The following ENTPD1 variants were observed in gnomAD, a reference collection of about 807,000 sequenced individuals.
ENTPD1 encodes ectonucleoside triphosphate diphosphohydrolase 1.
A neutral mutation model predicts 57.0 loss-of-function variants in ENTPD1; 33 were observed. The ratio of observed to expected loss-of-function variants is 0.58; its 90% confidence interval spans 0.44 to 0.77. ENTPD1 has a LOEUF of 0.77. Among genes scored for constraint, ENTPD1 ranks in the 30% least tolerant of loss-of-function variants. The pLI is 0.00. For synonymous variants in ENTPD1, 202 were observed against 218.8 expected (o/e 0.92, Z 0.68); for missense variants, 501 against 603.4 (o/e 0.83, Z 1.78).
chr10:95,713,974 A>G (rs1339971462), intron 1 of ENTPD1, among the ~76,000 whole-genome samples: 2 of 152,364 alleles, frequency 1.3e-5, no homozygotes, highest in East Asian at 3.8e-4. Context: ...GTCTAGAATA[A>G]TGTCACCATT....
chr10:95,703,781 CAAAAAAA>C, the ENTPD1 span, among the ~76,000 whole-genome samples: 2 of 73,418 alleles, frequency 2.7e-5, no homozygotes, highest in Non-Finnish European at 2.6e-5. Flanking sequence ...GACTCTGTCT[CAAAAAAA>C]AAAAAAAAAA....
chr10:95,719,694 G>A (rs189736992), intron 1 of ENTPD1, among the ~76,000 whole-genome samples: 11 of 152,316 alleles, frequency 7.2e-5, no homozygotes, highest in East Asian at 5.8e-4. Context: ...CTGAACGGGC[G>A]GCTAAAAGTA....
At position 95,818,766 on chromosome 10, in the gene ENTPD1, T is replaced by C. The variant is rs572995692; in HGVS notation, c.17-4471T>C. On this transcript the variant is annotated intron_variant, in intron 1 of 9. Coordinates refer to ENST00000371205, the MANE Select transcript of ENTPD1 (RefSeq NM_001776.6). ...AGGGGTGGTGTGGAGACTTTGACTC[T>C]GTGAGTTGGAGGAACGACAACGCCA... Among the ~76,000 whole-genome samples, 35 of 152,312 alleles carry C rather than the reference T, an allele frequency of 2.3e-4. 1 individual carries two copies. Among genetic ancestry groups the C allele is most frequent in the South Asian group, 1.9e-3 (9 of 4,824 alleles).
the ENTPD1 span, among the ~76,000 whole-genome samples, chr10:95,704,061 A>G: frequency 6.6e-6 from 1 of 152,144 alleles, no homozygotes; most frequent in African/African-American, 2.4e-5. Flanking sequence ...ACTGCACTCC[A>G]GCCTGGCAAC....
chr10:95,869,718 G>C lies in ENTPD1; in HGVS notation c.*3335G>C. On this transcript the variant is annotated 3_prime_UTR_variant, in exon 10 of 10. Coordinates refer to ENST00000371205, the MANE Select transcript of ENTPD1 (RefSeq NM_001776.6). ...TTCATTTTAATGTTGTATCAGTCAA[G>C]GTCCCTGCAAGAGATGGATGGTATG... The C allele has an allele frequency of 2.1e-6, 2 of 944,268 alleles. No individual in the cohort carries two copies. Among genetic ancestry groups the C allele is most frequent in the South Asian group, 9.8e-5 (2 of 20,422 alleles). The allele number at this position is 944,268 out of a possible 1,614,324, so 58.5% of individuals were successfully genotyped here.
Position 95,876,224 on chromosome 10 carries a change from A to G in ENTPD1, c.*9841A>G. ...TAAATACTCCTATAAAAATGTAAAG[A>G]AACACATAATGTAGATTGCTAATTT... On this transcript the variant is annotated 3_prime_UTR_variant, in exon 10 of 10. Coordinates refer to ENST00000371205, the MANE Select transcript of ENTPD1 (RefSeq NM_001776.6). The G allele has an allele frequency of 1.0e-6, 1 of 977,356 alleles. No individual in the cohort carries two copies. The highest frequency in any genetic ancestry group is 1.2e-6 in the Non-Finnish European group (1 of 822,586). The allele number at this position is 977,356 out of a possible 1,614,324, so 60.5% of individuals were successfully genotyped here. A position where few individuals can be genotyped will look rare whatever the true frequency, so the allele number is the denominator to read the frequency against.
chr10:95,771,873 CAT>C (rs1190598846), intron 1 of ENTPD1, among the ~76,000 whole-genome samples: 2 of 152,074 alleles, frequency 1.3e-5, no homozygotes, highest in Non-Finnish European at 2.9e-5. Flanking sequence ...CTTTACTGAT[CAT>C]ATATTTTCTC....
intron 1 of ENTPD1, among the ~76,000 whole-genome samples, chr10:95,780,707 A>G (rs2098153940): frequency 6.6e-6 from 1 of 152,214 alleles, no homozygotes; most frequent in African/African-American, 2.4e-5. Context: ...CCAGGTCATG[A>G]CTGTATTCAA....
At chr10:95,792,934 T>C (rs1312591689) in intron 1 of ENTPD1, among the ~76,000 whole-genome samples, 2 of 152,232 alleles carry the variant, frequency 1.3e-5, no homozygotes, top group Admixed American at 1.3e-4. Flanking sequence ...TCTGGCCACG[T>C]ATTCCACTCA....
chr10:95,847,943 C>G (rs894697151), intron 7 of ENTPD1, among the ~76,000 whole-genome samples: 1 of 152,172 alleles, frequency 6.6e-6, no homozygotes, highest in Non-Finnish European at 1.5e-5. Flanking sequence ...ATCACTAGGT[C>G]ACTGCCTCCT....
At chr10:95,708,902 T>A (rs1238344284), upstream of ENTPD1, among the ~76,000 whole-genome samples, 1 of 152,206 alleles carries the variant, frequency 6.6e-6, no homozygotes, top group Non-Finnish European at 1.5e-5. Flanking sequence ...GTGAAAAAAA[T>A]TCTGCTCTGG....
intron 1 of ENTPD1, among the ~76,000 whole-genome samples, chr10:95,774,223 G>T (rs2098125558): frequency 1.3e-5 from 2 of 152,144 alleles, no homozygotes; most frequent in African/African-American, 2.4e-5. Context: ...GTAGATTCTG[G>T]ATATTAGCCC....
intron 1 of ENTPD1, among the ~76,000 whole-genome samples, chr10:95,739,738 T>C (rs944644697): frequency 6.6e-6 from 1 of 152,246 alleles, no homozygotes. Flanking sequence ...CGAATGTTCT[T>C]AATGGTATCT....
intron 7 of ENTPD1, among the ~76,000 whole-genome samples, chr10:95,848,809 A>G (rs1336953030): frequency 6.6e-6 from 1 of 152,232 alleles, no homozygotes; most frequent in Non-Finnish European, 1.5e-5. Flanking sequence ...AAATGGATTA[A>G]TATAGTTAGT....
chr10:95,739,880 A>G (rs1282072674), intron 1 of ENTPD1, among the ~76,000 whole-genome samples: 2 of 152,226 alleles, frequency 1.3e-5, no homozygotes, highest in African/African-American at 4.8e-5. Flanking sequence ...TTCTTGATCC[A>G]TGGGCTGCAG....
At chr10:95,859,458 C>G (rs961098191) in intron 7 of ENTPD1, among the ~76,000 whole-genome samples, 1 of 152,200 alleles carries the variant, frequency 6.6e-6, no homozygotes, top group African/African-American at 2.4e-5. Context: ...ACAGGGAAAA[C>G]TTTATGCCCC....
At position 95,876,394 on chromosome 10, in the gene ENTPD1, T is replaced by C. The variant is rs2098485807; in HGVS notation, c.*10011T>C. 2.4e-6 allele frequency: 3 copies of C among 1,231,324 alleles called. No individual in the cohort carries two copies. The highest frequency in any genetic ancestry group is 1.6e-5 in the African/African-American group (1 of 64,418). The allele number at this position is 1,231,324 out of a possible 1,614,324, so 76.3% of individuals were successfully genotyped here. On this transcript the variant is annotated 3_prime_UTR_variant, in exon 10 of 10. Coordinates refer to ENST00000371205, the MANE Select transcript of ENTPD1 (RefSeq NM_001776.6). The stretch of plus-strand genomic sequence containing the variant: ...AGCACCAATTCTAAGTTTTTCTTGA[T>C]GGTAAATCATAATGTTCCCTTTCTC...
intron 2 of ENTPD1, among the ~76,000 whole-genome samples, chr10:95,828,871 C>T (rs2098387311): frequency 6.6e-6 from 1 of 152,114 alleles, no homozygotes; most frequent in South Asian, 2.1e-4. Flanking sequence ...CCACCACACC[C>T]GGCTAATTTT....
intron 1 of ENTPD1, among the ~76,000 whole-genome samples, chr10:95,808,499 C>G (rs193241291): frequency 6.6e-6 from 1 of 152,194 alleles, no homozygotes; most frequent in Admixed American, 6.5e-5. Flanking sequence ...GGAATGATAC[C>G]AGGTCTTCAT....
Sources: allele counts gnomAD v4.1 joint callset (sites outside exome capture counted in the v4.1 genomes callset), GRCh38; gene constraint gnomAD v4.1.1; transcripts MANE v1.5; gene names NCBI Gene and HGNC (gene_info 2026-07-23, HGNC 2026-07-21).